Variants in H2BC13 observed in about 807,000 individuals in gnomAD.
H2BC13 encodes histone H2B type 1-L.
In H2BC13, 12 loss-of-function variants were observed where a neutral mutation model predicts 6.3. The observed-to-expected ratio is 1.90, with a 90% CI of 1.22 to 3.08. The LOEUF (loss-of-function observed/expected upper bound fraction) is 3.08, where lower values mean the gene tolerates loss of function less well. H2BC13 is among the 30% of genes most tolerant of loss of function. H2BC13 has a pLI of 0.00. For missense variants in H2BC13, 164 were observed against 170.4 expected (o/e 0.96, Z 0.21); for synonymous variants, 109 against 74.3 (o/e 1.47, Z -2.40).
rs147972738 is a variant in H2BC13, at chr6:27,807,595, C to T, written c.312G>A (p.Pro104=). Residue 104 remains proline, a synonymous_variant, in exon 1 of 1, where the codon CCG becomes CCA. Coordinates refer to ENST00000377401, the MANE Select transcript of H2BC13 (RefSeq NM_003519.4). ...EIQTAVRLLL[P]GELAKHAVSE... is the part of the protein sequence containing the mutation. ...ACACCGCGTGCTTGGCCAGCTCCCC[C>T]GGAAGCAGCAGGCGCACGGCGGTCT... 1.5e-5 allele frequency: 24 copies of T among 1,614,078 alleles called. No individual in the cohort carries two copies. The highest frequency in any genetic ancestry group is 2.0e-5 in the Non-Finnish European group (24 of 1,180,042).
Position 27,807,616 on chromosome 6 carries a change from G to A in H2BC13, c.291C>T (p.Thr97=). ...CCCCCGGAAGCAGCAGGCGCACGGC[G>A]GTCTGGATCTCCCTGGAGGTGATGG... ...RSTITSREIQ[T]AVRLLLPGEL... The change falls in exon 1 of 1, where the codon ACC becomes ACT. Residue 97 remains threonine, a synonymous_variant. Coordinates refer to ENST00000377401, the MANE Select transcript of H2BC13 (RefSeq NM_003519.4). The A allele has an allele frequency of 6.2e-7, 1 of 1,614,220 alleles. No individual in the cohort carries two copies. The highest frequency in any genetic ancestry group is 1.3e-5 in the African/African-American group (1 of 75,054).
chr6:27,807,608 C>T lies in H2BC13; in HGVS notation c.299G>A (p.Arg100His). Residue 100 changes from arginine (R) to histidine (H), a missense_variant, in exon 1 of 1, where the codon CGC (arginine) becomes CAC (histidine). Arg to His is a conservative substitution (Grantham distance 29, BLOSUM62 0). Coordinates refer to ENST00000377401, the MANE Select transcript of H2BC13 (RefSeq NM_003519.4). ...GGCCAGCTCCCCCGGAAGCAGCAGG[C>T]GCACGGCGGTCTGGATCTCCCTGGA... ...ITSREIQTAV[R>H]LLLPGELAKH... 6.2e-7 allele frequency: 1 copy of T among 1,614,224 alleles called. No homozygotes were observed. The highest frequency in any genetic ancestry group is 8.5e-7 in the Non-Finnish European group (1 of 1,180,040).
In H2BC13 at chr6:27,807,659, T is replaced by A; in HGVS notation, c.248A>T (p.His83Leu). 1.9e-6 allele frequency: 3 copies of A among 1,614,230 alleles called. No individual in the cohort carries two copies. The highest frequency in any genetic ancestry group is 2.5e-6 in the Non-Finnish European group (3 of 1,180,036). The part of the protein sequence containing the change: ...RIASEASRLA[H>L]YNKRSTITSR... The stretch of plus-strand genomic sequence containing the variant: ...GGTGATGGTCGAGCGCTTGTTGTAG[T>A]GCGCCAGGCGGGAAGCCTCGCTTGC... The change falls in exon 1 of 1, where the codon CAC (histidine) becomes CTC (leucine). Residue 83 changes from histidine to leucine, a missense_variant. Transcript: ENST00000377401.
Position 27,807,506 on chromosome 6 carries a change from T to C in H2BC13, c.*20A>G. On this transcript the variant is annotated 3_prime_UTR_variant, in exon 1 of 1. Coordinates refer to ENST00000377401, the MANE Select transcript of H2BC13 (RefSeq NM_003519.4). Reference sequence around the variant, plus strand: ...AGTGGCTCTGAAAAGAGCCTTTGGGTTGGACAAGAGCTTGAGAATTTACTT... The same window carrying C: ...AGTGGCTCTGAAAAGAGCCTTTGGGCTGGACAAGAGCTTGAGAATTTACTT... The C allele has an allele frequency of 6.2e-7, 1 of 1,613,094 alleles. No homozygotes were observed. Among genetic ancestry groups the C allele is most frequent in the Non-Finnish European group, 8.5e-7 (1 of 1,179,588 alleles).
Position 27,807,872 on chromosome 6 carries a change from T to G in H2BC13, c.35A>C (p.Lys12Thr). 6.2e-7 allele frequency: 1 copy of G among 1,614,210 alleles called. No individual in the cohort carries two copies. Among genetic ancestry groups the G allele is most frequent in the Non-Finnish European group, 8.5e-7 (1 of 1,180,038 alleles). The change falls in exon 1 of 1, where the codon AAG becomes ACG. Residue 12 changes from lysine to threonine, a missense_variant. Lys to Thr is a moderately conservative substitution (Grantham distance 78). Transcript: ENST00000377401. ...PELAKSAPAP[K>T]KGSKKAVTKA... ...GGTCACCGCCTTCTTGGAGCCCTTC[T>G]TCGGGGCGGGAGCAGACTTGGCCAG...
In H2BC13 at chr6:27,807,742, G is replaced by A; in HGVS notation, c.165C>T (p.Ile55=). 1 of 1,614,242 alleles carries A rather than the reference G, an allele frequency of 6.2e-7. No homozygotes were observed. Among genetic ancestry groups the A allele is most frequent in the Non-Finnish European group, 8.5e-7 (1 of 1,180,054 alleles). ...VLKQVHPDTG[I]SSKAMGIMNS... ...TCATGATTCCCATGGCCTTAGAAGA[G>A]ATGCCGGTGTCGGGGTGGACCTGCT... The change falls in exon 1 of 1, where the codon ATC becomes ATT. Residue 55 remains isoleucine (I), a synonymous_variant. Coordinates refer to ENST00000377401, the MANE Select transcript of H2BC13 (RefSeq NM_003519.4).
Position 27,807,620 on chromosome 6 carries a change from T to G in H2BC13, c.287A>C (p.Gln96Pro), listed in dbSNP as rs1281214821. Residue 96 changes from glutamine to proline, a missense_variant, in exon 1 of 1, where the codon CAG becomes CCG. Physicochemically the swap from Gln to Pro is moderately conservative, Grantham distance 76. Coordinates refer to ENST00000377401, the MANE Select transcript of H2BC13 (RefSeq NM_003519.4). ...CGGAAGCAGCAGGCGCACGGCGGTC[T>G]GGATCTCCCTGGAGGTGATGGTCGA... ...KRSTITSREI[Q>P]TAVRLLLPGE... The G allele has an allele frequency of 6.2e-7, 1 of 1,614,112 alleles. No individual in the cohort carries two copies. The highest frequency in any genetic ancestry group is 8.5e-7 in the Non-Finnish European group (1 of 1,180,042).
Position 27,807,829 on chromosome 6 carries a change from A to C in H2BC13, c.78T>G (p.Asp26Glu), listed in dbSNP as rs536051122. 1.2e-5 allele frequency: 20 copies of C among 1,614,080 alleles called. No homozygotes were observed. The highest frequency in any genetic ancestry group is 1.7e-5 in the Non-Finnish European group (20 of 1,180,046). Residue 26 changes from aspartate to glutamate, a missense_variant, in exon 1 of 1, where the codon GAT becomes GAG. Physicochemically the swap from Asp to Glu is conservative, Grantham distance 45. Coordinates refer to ENST00000377401, the MANE Select transcript of H2BC13 (RefSeq NM_003519.4). ...KKAVTKAQKK[D>E]GKKRKRSRKE... ...TGCGGCTGCGCTTGCGCTTCTTGCCATCCTTCTTCTGGGCCTTGGTCACCG... is the reference window on the plus strand; with the variant it reads ...TGCGGCTGCGCTTGCGCTTCTTGCCCTCCTTCTTCTGGGCCTTGGTCACCG...
At position 27,807,871 on chromosome 6, in the gene H2BC13, C is replaced by G. The variant is rs769504743; in HGVS notation, c.36G>C (p.Lys12Asn). Residue 12 changes from lysine (K) to asparagine (N), a missense_variant, in exon 1 of 1, where the codon AAG becomes AAC. Coordinates refer to ENST00000377401, the MANE Select transcript of H2BC13 (RefSeq NM_003519.4). Reference protein sequence around the residue: ...PELAKSAPAPKKGSKKAVTKA... With the variant: ...PELAKSAPAPNKGSKKAVTKA... ...TGGTCACCGCCTTCTTGGAGCCCTT[C>G]TTCGGGGCGGGAGCAGACTTGGCCA... 6.2e-7 allele frequency: 1 copy of G among 1,614,062 alleles called. No individual in the cohort carries two copies. The highest frequency in any genetic ancestry group is 1.1e-5 in the South Asian group (1 of 91,078).
chr6:27,807,773 A>C lies in H2BC13; in HGVS notation c.134T>G (p.Val45Gly). Reference sequence around the variant, plus strand: ...GGTGTCGGGGTGGACCTGCTTCAGCACCTTGTACACGTACACGGAGTAGCT... The same window carrying C: ...GGTGTCGGGGTGGACCTGCTTCAGCCCCTTGTACACGTACACGGAGTAGCT... ...KESYSVYVYK[V>G]LKQVHPDTGI... The change falls in exon 1 of 1, where the codon GTG (valine) becomes GGG (glycine). Residue 45 changes from valine (V) to glycine (G), a missense_variant. Transcript: ENST00000377401. 6.2e-7 allele frequency: 1 copy of C among 1,614,170 alleles called. No individual in the cohort carries two copies. Among genetic ancestry groups the C allele is most frequent in the Non-Finnish European group, 8.5e-7 (1 of 1,180,036 alleles).
rs147149614 is a variant in H2BC13, at chr6:27,807,658, G to C, written c.249C>G (p.His83Gln). The C allele has an allele frequency of 1.9e-6, 3 of 1,614,254 alleles. No individual in the cohort carries two copies. Among genetic ancestry groups the C allele is most frequent in the Non-Finnish European group, 8.5e-7 (1 of 1,180,042 alleles). Residue 83 changes from histidine (H) to glutamine (Q), a missense_variant, in exon 1 of 1, where the codon CAC becomes CAG. Transcript: ENST00000377401. The part of the protein sequence containing the change: ...RIASEASRLA[H>Q]YNKRSTITSR... ...AGGTGATGGTCGAGCGCTTGTTGTA[G>C]TGCGCCAGGCGGGAAGCCTCGCTTG...
Position 27,807,712 on chromosome 6 carries a change from G to T in H2BC13, c.195C>A (p.Ser65=). The change falls in exon 1 of 1, where the codon TCC becomes TCA. Residue 65 remains serine, a synonymous_variant. Transcript: ENST00000377401. ...TGCGCTCGAAGATGTCGTTGACGAAGGAGTTCATGATTCCCATGGCCTTAG... is the reference window on the plus strand; with the variant it reads ...TGCGCTCGAAGATGTCGTTGACGAATGAGTTCATGATTCCCATGGCCTTAG... ...ISSKAMGIMN[S]FVNDIFERIA... is the part of the protein sequence containing the mutation. 6.2e-7 allele frequency: 1 copy of T among 1,614,240 alleles called. No individual in the cohort carries two copies.
chr6:27,807,842 G>A lies in H2BC13; in HGVS notation c.65C>T (p.Ala22Val), dbSNP rs1423358663. 1.2e-6 allele frequency: 2 copies of A among 1,614,020 alleles called. No homozygotes were observed. Among genetic ancestry groups the A allele is most frequent in the East Asian group, 2.2e-5 (1 of 44,894 alleles). Residue 22 changes from alanine (A) to valine (V), a missense_variant, in exon 1 of 1, where the codon GCC becomes GTC. By Grantham distance (64) the Ala-to-Val change is moderately conservative. Coordinates refer to ENST00000377401, the MANE Select transcript of H2BC13 (RefSeq NM_003519.4). Reference protein sequence around the residue: ...KKGSKKAVTKAQKKDGKKRKR... With the variant: ...KKGSKKAVTKVQKKDGKKRKR... ...GCGCTTCTTGCCATCCTTCTTCTGG[G>A]CCTTGGTCACCGCCTTCTTGGAGCC... is the stretch of plus-strand genomic sequence containing the variant.
rs773703254 is a variant in H2BC13, at chr6:27,807,764, T to A, written c.143A>T (p.Gln48Leu). ...YSVYVYKVLKQVHPDTGISSK... is the reference protein window; with the variant it reads ...YSVYVYKVLKLVHPDTGISSK... ...AGAGATGCCGGTGTCGGGGTGGACC[T>A]GCTTCAGCACCTTGTACACGTACAC... The change falls in exon 1 of 1, where the codon CAG becomes CTG. Residue 48 changes from glutamine to leucine, a missense_variant. Physicochemically the swap from Gln to Leu is moderately radical, Grantham distance 113. Coordinates refer to ENST00000377401, the MANE Select transcript of H2BC13 (RefSeq NM_003519.4). 2 of 1,614,250 alleles carry A rather than the reference T, an allele frequency of 1.2e-6. No individual in the cohort carries two copies.
At position 27,807,799 on chromosome 6, in the gene H2BC13, C is replaced by G. The variant is rs772348767; in HGVS notation, c.108G>C (p.Glu36Asp). Residue 36 changes from glutamate (E) to aspartate (D), a missense_variant, in exon 1 of 1, where the codon GAG (glutamate) becomes GAC (aspartate). Coordinates refer to ENST00000377401, the MANE Select transcript of H2BC13 (RefSeq NM_003519.4). Reference protein sequence around the residue: ...DGKKRKRSRKESYSVYVYKVL... With the variant: ...DGKKRKRSRKDSYSVYVYKVL... ...CCTTGTACACGTACACGGAGTAGCT[C>G]TCCTTGCGGCTGCGCTTGCGCTTCT... 11 of 1,614,232 alleles carry G rather than the reference C, an allele frequency of 6.8e-6. No homozygotes were observed. Among genetic ancestry groups the G allele is most frequent in the Non-Finnish European group, 9.3e-6 (11 of 1,180,050 alleles).
rs1760454748 is a variant in H2BC13 at position 27,807,502 on chromosome 6, T to G, written c.*24A>C. 3.1e-6 allele frequency: 5 copies of G among 1,612,754 alleles called. No homozygotes were observed. In the East Asian group the frequency reaches 1.1e-4, roughly 36 times the overall value. On this transcript the variant is annotated 3_prime_UTR_variant, in exon 1 of 1. Coordinates refer to ENST00000377401, the MANE Select transcript of H2BC13 (RefSeq NM_003519.4). ...AGTGAGTGGCTCTGAAAAGAGCCTT[T>G]GGGTTGGACAAGAGCTTGAGAATTT...
At position 27,807,848 on chromosome 6, in the gene H2BC13, G is replaced by A. The variant is rs1207204865; in HGVS notation, c.59C>T (p.Thr20Ile). The A allele has an allele frequency of 3.1e-6, 5 of 1,614,032 alleles. No individual in the cohort carries two copies. The highest frequency in any genetic ancestry group is 4.2e-6 in the Non-Finnish European group (5 of 1,180,004). The change falls in exon 1 of 1, where the codon ACC (threonine) becomes ATC (isoleucine). Residue 20 changes from threonine (T) to isoleucine (I), a missense_variant. By Grantham distance (89) the Thr-to-Ile change is moderately conservative. Transcript: ENST00000377401. ...CTTGCCATCCTTCTTCTGGGCCTTG[G>A]TCACCGCCTTCTTGGAGCCCTTCTT... is the stretch of plus-strand genomic sequence containing the variant. ...APKKGSKKAV[T>I]KAQKKDGKKR...
chr6:27,807,541 G>GAGAATT lies in H2BC13; in HGVS notation c.365_366insAATTCT (p.Tyr122delinsTer), dbSNP rs1561922425. The GAGAATT allele has an allele frequency of 3.7e-6, 6 of 1,614,050 alleles. No individual in the cohort carries two copies. Among genetic ancestry groups the GAGAATT allele is most frequent in the Non-Finnish European group, 5.1e-6 (6 of 1,180,024 alleles). On this transcript the variant is annotated stop_gained, in exon 1 of 1. Transcript: ENST00000377401. LOFTEE classifies it high-confidence loss of function. Reference sequence around the variant, plus strand: ...GCTTGAGAATTTACTTGGAGCTGGTGTACTTGGTGACGGCCTTGGTGCCCT... The same window carrying GAGAATT: ...GCTTGAGAATTTACTTGGAGCTGGTGAGAATTTACTTGGTGACGGCCTTGGTGCCCT...
Position 27,807,494 on chromosome 6 carries a change from A to G in H2BC13, c.*32T>C. On this transcript the variant is annotated 3_prime_UTR_variant, in exon 1 of 1. Transcript: ENST00000377401. ...TAGATAATAGTGAGTGGCTCTGAAA[A>G]GAGCCTTTGGGTTGGACAAGAGCTT... The G allele has an allele frequency of 1.6e-5, 25 of 1,610,872 alleles. No individual in the cohort carries two copies. Among genetic ancestry groups the G allele is most frequent in the Non-Finnish European group, 2.1e-5 (25 of 1,178,716 alleles).
Sources: allele counts gnomAD v4.1 joint callset, GRCh38; gene constraint gnomAD v4.1.1; transcripts MANE v1.5; gene names NCBI Gene and HGNC (gene_info 2026-07-23, HGNC 2026-07-21).